Variants in PARD3B observed in about 807,000 individuals in gnomAD.
PARD3B encodes partitioning defective 3 homolog B.
Under a neutral mutation model 130.2 loss-of-function variants are expected in PARD3B, and 103 were observed. The ratio of observed to expected loss-of-function variants is 0.79; its 90% confidence interval spans 0.67 to 0.93. The LOEUF (loss-of-function observed/expected upper bound fraction) is 0.93. PARD3B is among the 40% of genes least tolerant of loss of function. The pLI is 0.00. For missense variants in PARD3B, 1,609 were observed against 1,499.2 expected, an observed-to-expected ratio of 1.07 and a Z score of -1.21; for synonymous variants, 583 against 553.2, an observed-to-expected ratio of 1.05 and a Z score of -0.76.
In PARD3B at chr2:205,268,582, T is replaced by C. The variant is rs1043549030; in HGVS notation, c.2185+22760T>C. On this transcript the variant is annotated intron_variant, in intron 16 of 22. Transcript: ENST00000406610. The surrounding 1 kb of genome is among the most constrained non-coding windows in gnomAD (Gnocchi z 4.1). ...ATTTGAAATCAGGTGGAAAGTGCTC[T>C]AATGCCACTAGTATTAGGAGGCGGT... Among the ~76,000 whole-genome samples the C allele has an allele frequency of 3.3e-5, 5 of 152,186 alleles. No homozygotes were observed. The highest frequency in any genetic ancestry group is 7.4e-5 in the Non-Finnish European group (5 of 68,016).
intron 2 of PARD3B, among the ~76,000 whole-genome samples, chr2:204,950,928 C>A (rs1322436033): frequency 6.6e-6 from 1 of 152,174 alleles, no homozygotes; most frequent in Non-Finnish European, 1.5e-5. Context: ...ATTCTGATTT[C>A]AACTAGCAAG....
intron 15 of PARD3B, among the ~76,000 whole-genome samples, chr2:205,218,264 T>A (rs2038056842): frequency 6.6e-6 from 1 of 152,088 alleles, no homozygotes; most frequent in Non-Finnish European, 1.5e-5. Flanking sequence ...GTTTTATTTT[T>A]CTTATGAGTC....
chr2:205,415,507 A>G (rs576194058), intron 19 of PARD3B, among the ~76,000 whole-genome samples: 4 of 152,302 alleles, frequency 2.6e-5, no homozygotes, highest in Admixed American at 6.5e-5. Context: ...AAAATATTCA[A>G]TGTCTCAAGT....
chr2:205,254,357 T>C (rs1364623510), intron 16 of PARD3B, among the ~76,000 whole-genome samples: 1 of 152,104 alleles, frequency 6.6e-6, no homozygotes, highest in East Asian at 1.9e-4. Context: ...ATAATGGACC[T>C]CCCAGTCTAT....
intron 1 of PARD3B, among the ~76,000 whole-genome samples, chr2:204,557,187 A>C (rs1294380653): frequency 6.6e-6 from 1 of 151,944 alleles, no homozygotes; most frequent in East Asian, 1.9e-4. Context: ...CCGTAAATAC[A>C]CACTTCTAGC....
At chr2:204,564,233 A>T (rs1408843706) in intron 1 of PARD3B, among the ~76,000 whole-genome samples, 2 of 152,202 alleles carry the variant, frequency 1.3e-5, no homozygotes, top group Non-Finnish European at 2.9e-5. Context: ...TCGGGGCTTC[A>T]CATGCATACA....
intron 16 of PARD3B, 38 bp downstream of exon 16, chr2:205,245,860 TG>T: frequency 6.6e-7 from 1 of 1,513,552 alleles, no homozygotes; most frequent in Non-Finnish European, 9.2e-7. Context: ...TTCCTCTTCC[TG>T]GAAATCACTG....
intron 18 of PARD3B, among the ~76,000 whole-genome samples, chr2:205,381,129 A>G (rs1418686209): frequency 2.5e-5 from 2 of 80,436 alleles, no homozygotes; most frequent in African/African-American, 7.2e-5. Context: ...TATATATTAT[A>G]TATAAAGAAT....
intron 4 of PARD3B, among the ~76,000 whole-genome samples, chr2:205,083,078 C>T (rs184466007): frequency 6.6e-6 from 1 of 151,864 alleles, no homozygotes; most frequent in Non-Finnish European, 1.5e-5. Context: ...CACTACCATG[C>T]CTGGCTAATT....
intron 10 of PARD3B, among the ~76,000 whole-genome samples, chr2:205,154,978 G>T (rs1036789849): frequency 1.3e-5 from 2 of 151,842 alleles, no homozygotes; most frequent in Admixed American, 1.3e-4. Context: ...CACCAACATG[G>T]CACATGTATA....
chr2:205,172,688 C>T (rs13415503), intron 12 of PARD3B, among the ~76,000 whole-genome samples: 24,988 of 152,058 alleles, frequency 0.16, 2,237 homozygotes, highest in Middle Eastern at 0.22. Context: ...TAGCAGTGTC[C>T]ATACCTTAGA....
chr2:204,923,891 A>C (rs977804034), intron 2 of PARD3B, among the ~76,000 whole-genome samples: 21 of 152,076 alleles, frequency 1.4e-4, no homozygotes, highest in African/African-American at 4.3e-4. Flanking sequence ...TTAAATTGGA[A>C]GTCAAATTTT....
At chr2:204,550,259 C>T (rs2030348368) in intron 1 of PARD3B, among the ~76,000 whole-genome samples, 1 of 152,172 alleles carries the variant, frequency 6.6e-6, no homozygotes, top group Non-Finnish European at 1.5e-5. Flanking sequence ...AATGTAAAAG[C>T]TATTTAAACA....
chr2:205,388,550 CTT>C (rs2045741989), intron 18 of PARD3B, among the ~76,000 whole-genome samples: 1 of 152,128 alleles, frequency 6.6e-6, no homozygotes, highest in Non-Finnish European at 1.5e-5. Flanking sequence ...TGTAATAGCT[CTT>C]TCTGAATTAC....
intron 10 of PARD3B, among the ~76,000 whole-genome samples, chr2:205,153,934 A>G (rs1003516594): frequency 2.0e-5 from 3 of 152,270 alleles, no homozygotes; most frequent in African/African-American, 7.2e-5. Context: ...ACCTAAAAGC[A>G]TAAAAACCCT....
intron 22 of PARD3B, among the ~76,000 whole-genome samples, chr2:205,611,845 G>T (rs1160696411): frequency 2.0e-5 from 3 of 152,066 alleles, no homozygotes; most frequent in African/African-American, 7.2e-5. Flanking sequence ...AACTCAAGAA[G>T]TCACATGAAA....
intron 19 of PARD3B, among the ~76,000 whole-genome samples, chr2:205,422,365 G>C (rs1243401748): frequency 6.6e-6 from 1 of 152,182 alleles, no homozygotes; most frequent in African/African-American, 2.4e-5. Context: ...AGTGTTAAAG[G>C]AAGACATGAA....
intron 19 of PARD3B, among the ~76,000 whole-genome samples, chr2:205,418,461 A>G (rs1403744299): frequency 2.6e-5 from 4 of 152,176 alleles, no homozygotes; most frequent in African/African-American, 2.4e-5. Context: ...ACTAATTATA[A>G]TAAAGCTAAC....
intron 22 of PARD3B, among the ~76,000 whole-genome samples, chr2:205,583,652 AT>A (rs1382803991): frequency 9.2e-5 from 14 of 152,196 alleles, no homozygotes; most frequent in Admixed American, 9.2e-4. Flanking sequence ...TTCTTACCAA[AT>A]TTTAATCCAA....
Sources: allele counts gnomAD v4.1 joint callset (sites outside exome capture counted in the v4.1 genomes callset), GRCh38; gene constraint gnomAD v4.1.1; non-coding constraint Gnocchi (gnomAD v3.1); transcripts MANE v1.5; gene names NCBI Gene and HGNC (gene_info 2026-07-23, HGNC 2026-07-21).